The following STAB2 variants were observed in gnomAD, a reference collection of about 807,000 sequenced individuals.
STAB2 encodes the protein stabilin 2, also known as stabilin-2.
Under a neutral mutation model 338.1 loss-of-function variants are expected in STAB2, and 288 were observed. The observed-to-expected ratio is 0.85, with a 90% confidence interval of 0.77 to 0.94. The LOEUF (loss-of-function observed/expected upper bound fraction) is 0.94. Ranked by LOEUF, STAB2 falls within the 40% of genes least tolerant of loss-of-function variation. The pLI is 0.00. For synonymous variants in STAB2, 1,202 were observed against 1,193.3 expected, an observed-to-expected ratio of 1.01 and a Z score of -0.15; for missense variants, 3,141 against 3,210.1, an observed-to-expected ratio of 0.98 and a Z score of 0.52.
At chr12:103,759,071 T>C in intron 64 of STAB2, 62 bp from the exon 65 acceptor site, 2 of 1,613,314 alleles carry the variant, frequency 1.2e-6, no homozygotes, top group Non-Finnish European at 8.5e-7. Context: ...ATCCCCATCA[T>C]TAAAAAGACA....
intron 24 of STAB2, 52 bp from the exon 25 acceptor site, chr12:103,677,401 A>T: frequency 1.3e-6 from 2 of 1,547,374 alleles, no homozygotes; most frequent in Non-Finnish European, 1.8e-6. Context: ...TTTTGGAATC[A>T]TGTGGCTGGA....
At chr12:103,732,984 G>A (rs775916200) in intron 50 of STAB2, 22 bp from the exon 51 acceptor site, 1 of 1,610,858 alleles carries the variant, frequency 6.2e-7, no homozygotes, top group Non-Finnish European at 8.5e-7. Context: ...AGCCAGCAAG[G>A]GGCTGAATCC....
intron 9 of STAB2, 48 bp downstream of exon 9, chr12:103,640,304 G>A (rs1158475262): frequency 1.0e-5 from 16 of 1,587,236 alleles, no homozygotes; most frequent in Non-Finnish European, 1.4e-5. Flanking sequence ...GGTGAAAATG[G>A]TGTCCAGTCA....
intron 53 of STAB2, 40 bp from the exon 54 acceptor site, chr12:103,739,372 A>G: frequency 6.5e-7 from 1 of 1,532,994 alleles, no homozygotes; most frequent in Middle Eastern, 1.7e-4. Context: ...GTGTTTTCTG[A>G]TATTCTTGGT....
Position 103,762,358 on chromosome 12 carries a change from T to C in STAB2, c.7444T>C (p.Tyr2482His), listed in dbSNP as rs1205768590. 1.9e-6 allele frequency: 3 copies of C among 1,614,242 alleles called. No homozygotes were observed. The highest frequency in any genetic ancestry group is 1.6e-4 in the Middle Eastern group (1 of 6,062). The change falls in exon 67 of 69, where the codon TAC becomes CAC. Residue 2482 changes from tyrosine to histidine, a missense_variant. Physicochemically the swap from Tyr to His is moderately conservative, Grantham distance 83 (BLOSUM62 2). Transcript: ENST00000388887. ...TGAVALAAYS[Y>H]FRINRRTIGF... is the part of the protein sequence containing the mutation. ...GGCTGTTGCCTTGGCTGCTTACTCC[T>C]ACTTTCGGATAAACCGGAGAACAAT...
At chr12:103,732,858 A>G (rs774588217) in intron 50 of STAB2, 148 bp from the exon 51 acceptor site, 161 of 835,046 alleles carry the variant, frequency 1.9e-4, no homozygotes, top group Admixed American at 1.2e-3. Flanking sequence ...ATGGGCTTCT[A>G]GTTTCTCTAG....
At chr12:103,708,752 A>G (rs545968804) in intron 39 of STAB2, among the ~76,000 whole-genome samples, 2 of 152,332 alleles carry the variant, frequency 1.3e-5, no homozygotes, top group South Asian at 4.1e-4. Flanking sequence ...TATTACTGAT[A>G]TTTTATATTA....
rs1217625801 is a variant in STAB2, at chr12:103,726,114, A to G, written c.4804-2A>G. ...TTAAGTGAAACTACTCTTTGTTTGC[A>G]GGAGCTTCCCAAGAACCCGAAAACT... On this transcript the variant is annotated splice_acceptor_variant, in intron 45 of 68. Coordinates refer to ENST00000388887, the MANE Select transcript of STAB2 (RefSeq NM_017564.10). LOFTEE classifies it high-confidence loss of function. The G allele has an allele frequency of 6.2e-7, 1 of 1,613,950 alleles. No homozygotes were observed. Among genetic ancestry groups the G allele is most frequent in the East Asian group, 2.2e-5 (1 of 44,882 alleles).
At chr12:103,685,281 G>T (rs1877295408) in intron 27 of STAB2, among the ~76,000 whole-genome samples, 197 bp downstream of exon 27, 1 of 152,156 alleles carries the variant, frequency 6.6e-6, no homozygotes, top group Admixed American at 6.5e-5. Context: ...CTTTTTGGCA[G>T]CTTCTGTGTA....
rs754541824 is a variant in STAB2 at position 103,724,497 on chromosome 12, C to T, written c.4684-478C>T. On this transcript the variant is annotated intron_variant, in intron 44 of 68. Transcript: ENST00000388887. ...GTTCCCATGGATGTTAGCTTTGAACCGTGCTTTGCTTTGTTTGTATTTTAG... is the reference window on the plus strand; with the variant it reads ...GTTCCCATGGATGTTAGCTTTGAACTGTGCTTTGCTTTGTTTGTATTTTAG... Among the ~76,000 whole-genome samples, 50 of 152,152 alleles carry T rather than the reference C, an allele frequency of 3.3e-4. 1 individual carries two copies. Among genetic ancestry groups the T allele is most frequent in the Non-Finnish European group, 1.3e-4 (9 of 68,042 alleles).
In STAB2 at chr12:103,734,241, A is replaced by AG. The variant is rs539939054; in HGVS notation, c.5460+1061dup. Among the ~76,000 whole-genome samples the AG allele has an allele frequency of 3.2e-4, 47 of 145,136 alleles. 1 individual carries two copies. The South Asian group carries it at 8.5e-3, about 26-fold the overall frequency. On this transcript the variant is annotated intron_variant, in intron 51 of 68. Transcript: ENST00000388887. ...GATCACATAGGAGCAAACATCATAA[A>AG]GGAGCAAGCATGATCACATAGGAGC...
At chr12:103,598,784 C>T (rs753099298) in intron 3 of STAB2, among the ~76,000 whole-genome samples, 8 of 152,140 alleles carry the variant, frequency 5.3e-5, no homozygotes, top group African/African-American at 9.7e-5. Context: ...TTGGCCAGCT[C>T]ATAAAAAATC....
In STAB2 at chr12:103,715,851, A is replaced by G. The variant is rs752735722; in HGVS notation, c.4574A>G (p.Asp1525Gly). The change falls in exon 43 of 69, where the codon GAC becomes GGC. Residue 1525 changes from aspartate to glycine, a missense_variant. Coordinates refer to ENST00000388887, the MANE Select transcript of STAB2 (RefSeq NM_017564.10). Reference protein sequence around the residue: ...NPCLENHGGCDKNAECTQTGP... With the variant: ...NPCLENHGGCGKNAECTQTGP... ...TGTTTGGAGAACCATGGTGGCTGTG[A>G]CAAGAATGCGGAGTGCACACAGACA... 1 of 1,614,130 alleles carries G rather than the reference A, an allele frequency of 6.2e-7. No homozygotes were observed. The highest frequency in any genetic ancestry group is 1.7e-5 in the Admixed American group (1 of 60,020).
chr12:103,617,776 G>T (rs1184689742), intron 3 of STAB2, among the ~76,000 whole-genome samples: 1 of 152,176 alleles, frequency 6.6e-6, no homozygotes, highest in Non-Finnish European at 1.5e-5. Context: ...TTGTCCTGGG[G>T]TGCATACCTG....
intron 18 of STAB2, among the ~76,000 whole-genome samples, chr12:103,665,136 A>G (rs1290807081): frequency 2.0e-5 from 3 of 152,214 alleles, no homozygotes; most frequent in African/African-American, 7.2e-5. Flanking sequence ...GTTTAAAGTC[A>G]AATCTATTTG....
intron 68 of STAB2, 89 bp downstream of exon 68, chr12:103,763,697 C>A: frequency 3.3e-6 from 4 of 1,196,780 alleles, no homozygotes; most frequent in African/African-American, 1.5e-5. Context: ...ATCTTTGTAC[C>A]AAAGAAGGTT....
intron 50 of STAB2, 48 bp from the exon 51 acceptor site, chr12:103,732,958 G>A (rs1470275711): frequency 2.5e-6 from 4 of 1,594,532 alleles, no homozygotes; most frequent in African/African-American, 2.7e-5. Context: ...CTGCCCACAT[G>A]TCTGGGCCTT....
intron 50 of STAB2, among the ~76,000 whole-genome samples, chr12:103,731,888 A>C (rs1245796247): frequency 1.3e-5 from 2 of 152,224 alleles, no homozygotes; most frequent in Non-Finnish European, 2.9e-5. Context: ...GGAGAGGGAA[A>C]GAAATTGGAA....
intron 27 of STAB2, among the ~76,000 whole-genome samples, chr12:103,685,457 C>T (rs34246131): frequency 0.16 from 22,119 of 136,114 alleles, 1,882 homozygotes; most frequent in East Asian, 0.31. Flanking sequence ...TGTGTGTGCG[C>T]GTGCGTGTGT....
Sources: allele counts gnomAD v4.1 joint callset (sites outside exome capture counted in the v4.1 genomes callset), GRCh38; gene constraint gnomAD v4.1.1; transcripts MANE v1.5; gene names NCBI Gene and HGNC (gene_info 2026-07-23, HGNC 2026-07-21).